ADAMTS18: variants seen among roughly 807,000 people sequenced by gnomAD.
The protein encoded by ADAMTS18 is A disintegrin and metalloproteinase with thrombospondin motifs 18.
ADAMTS18 carries 157 observed loss-of-function variants against 165.9 expected under a neutral mutation model. The observed-to-expected ratio is 0.95, with a 90% CI of 0.83 to 1.08. ADAMTS18 has a LOEUF of 1.08. Ranked by LOEUF, ADAMTS18 falls within the 50% of genes least tolerant of loss-of-function variation. The pLI, the probability that ADAMTS18 is intolerant of heterozygous loss-of-function variation, is 0.00. For missense variants in ADAMTS18, 2,040 were observed against 1,534.0 expected (o/e 1.33, Z -5.51); for synonymous variants, 782 against 578.2 (o/e 1.35, Z -5.06).
intron 22 of ADAMTS18, 25 bp from the exon 23 acceptor site, chr16:77,284,096 A>T: frequency 2.0e-6 from 3 of 1,482,282 alleles, no homozygotes; most frequent in Non-Finnish European, 1.9e-6. Context: ...TATATTTAGC[A>T]TGTTGGCTAG....
intron 3 of ADAMTS18, among the ~76,000 whole-genome samples, chr16:77,405,656 A>G (rs929237017): frequency 1.3e-5 from 2 of 152,150 alleles, no homozygotes; most frequent in Non-Finnish European, 2.9e-5. Context: ...TATACAACAG[A>G]AAGTTATTTT....
rs564970336 is a variant in ADAMTS18 at position 77,332,794 on chromosome 16, T to C, written c.1859+2962A>G. Among the ~76,000 whole-genome samples the C allele has an allele frequency of 4.7e-4, 71 of 152,308 alleles. No homozygotes were observed. The South Asian group carries it at 0.011, about 24-fold the overall frequency. ...GTGCCCACAGGTGACCACAGGCCAA[T>C]TGCAATCCACAGCTGATTTGACTAG... is the stretch of plus-strand genomic sequence containing the variant. On this transcript the variant is annotated intron_variant, in intron 12 of 22. Transcript: ENST00000282849.
Position 77,434,444 on chromosome 16 carries a change from C to A in ADAMTS18, c.152G>T (p.Ser51Ile), listed in dbSNP as rs1380372391. ...ATCATTTAATCCGCTGGCGCCGCTG[C>A]TGCTGTCACTGGCTAAGGCCGCGGC... ...SVAAALASDS[S>I]SGASGLNDDY... is the part of the protein sequence containing the mutation. Residue 51 changes from serine to isoleucine, a missense_variant, in exon 2 of 23, where the codon AGC becomes ATC. By Grantham distance (142) the Ser-to-Ile change is moderately radical. Transcript: ENST00000282849. 2 of 1,573,754 alleles carry A rather than the reference C, an allele frequency of 1.3e-6. No individual in the cohort carries two copies. Among genetic ancestry groups the A allele is most frequent in the South Asian group, 2.3e-5 (2 of 86,922 alleles).
intron 3 of ADAMTS18, among the ~76,000 whole-genome samples, chr16:77,384,756 G>GTATAC (rs1348767557): frequency 1.1e-4 from 17 of 152,138 alleles, no homozygotes; most frequent in African/African-American, 4.1e-4. Context: ...GAAGAGAAAC[G>GTATAC]TATATAGTAA....
chr16:77,401,828 G>T (rs1188118865), intron 3 of ADAMTS18, among the ~76,000 whole-genome samples: 1 of 152,124 alleles, frequency 6.6e-6, no homozygotes, highest in African/African-American at 2.4e-5. Context: ...CTTTTCTTGA[G>T]CAAGGATATC....
intron 7 of ADAMTS18, among the ~76,000 whole-genome samples, chr16:77,361,115 T>C (rs2056706858): frequency 6.6e-6 from 1 of 152,062 alleles, no homozygotes; most frequent in Admixed American, 6.6e-5. Context: ...CATAAAGTTT[T>C]ATTAAAACAC....
Position 77,390,025 on chromosome 16 carries a change from T to C in ADAMTS18, c.496-22302A>G, listed in dbSNP as rs566650768. 2.6e-5 allele frequency among the ~76,000 whole-genome samples: 4 copies of C among 152,300 alleles called. 1 individual carries two copies. The highest frequency in any genetic ancestry group is 9.6e-5 in the African/African-American group (4 of 41,558). ...GGAATAAAATCTACAAAATCTACTA[T>C]GCTCATTAATGCTAAGGACTTTGAG... On this transcript the variant is annotated intron_variant, in intron 3 of 22. Transcript: ENST00000282849.
chr16:77,414,491 C>CCAA (rs2057504557), intron 3 of ADAMTS18, among the ~76,000 whole-genome samples: 1 of 152,056 alleles, frequency 6.6e-6, no homozygotes, highest in Non-Finnish European at 1.5e-5. Context: ...AAATATAATA[C>CCAA]CAACATAAAT....
intron 22 of ADAMTS18, among the ~76,000 whole-genome samples, chr16:77,286,100 C>T (rs974743026): frequency 9.2e-5 from 14 of 152,122 alleles, no homozygotes; most frequent in African/African-American, 2.9e-4. Context: ...CACTCTTCAC[C>T]TTGTTTCTTG....
At position 77,353,093 on chromosome 16, in the gene ADAMTS18, C is replaced by T. The variant is rs558968676; in HGVS notation, c.1614+640G>A. Among the ~76,000 whole-genome samples the T allele has an allele frequency of 1.7e-4, 25 of 147,134 alleles. 1 individual carries two copies. Among genetic ancestry groups the T allele is most frequent in the East Asian group, 9.7e-4 (5 of 5,166 alleles). The stretch of plus-strand genomic sequence containing the variant: ...AGACTCTGTCTCAAAACAACAACAA[C>T]GACAACAACAACAACAAATTTACTT... On this transcript the variant is annotated intron_variant, in intron 10 of 22. Transcript: ENST00000282849.
At chr16:77,372,591 A>G (rs2056891918) in intron 3 of ADAMTS18, among the ~76,000 whole-genome samples, 1 of 152,192 alleles carries the variant, frequency 6.6e-6, no homozygotes, top group South Asian at 2.1e-4. Context: ...ATTGCCATAA[A>G]CAAGAATGGT....
chr16:77,386,950 G>T lies in ADAMTS18; in HGVS notation c.496-19227C>A, dbSNP rs185056371. 1.5e-3 allele frequency among the ~76,000 whole-genome samples: 229 copies of T among 152,270 alleles called. 4 individuals are homozygous for T. The highest frequency in any genetic ancestry group is 9.8e-3 in the Admixed American group (149 of 15,282). ...ACAAACTACAGAAGTCTGCAAATGG[G>T]TAAACACTTCTGTTGGGTGAACTAT... On this transcript the variant is annotated intron_variant, in intron 3 of 22. Coordinates refer to ENST00000282849, the MANE Select transcript of ADAMTS18 (RefSeq NM_199355.4).
chr16:77,288,619 T>C (rs1335545757), intron 22 of ADAMTS18, among the ~76,000 whole-genome samples: 1 of 152,158 alleles, frequency 6.6e-6, no homozygotes, highest in Non-Finnish European at 1.5e-5. Context: ...CTGATGACTA[T>C]TACTTTTGAT....
At chr16:77,419,631 C>G (rs2057575353) in intron 3 of ADAMTS18, among the ~76,000 whole-genome samples, 1 of 152,124 alleles carries the variant, frequency 6.6e-6, no homozygotes, top group Non-Finnish European at 1.5e-5. Context: ...GTTACATCTG[C>G]AAAAACTCCT....
At chr16:77,424,944 G>A (rs975822910) in intron 3 of ADAMTS18, among the ~76,000 whole-genome samples, 2 of 152,182 alleles carry the variant, frequency 1.3e-5, no homozygotes, top group African/African-American at 2.4e-5. Context: ...CATGGACGAA[G>A]GTCATTCAAC....
intron 1 of ADAMTS18, 37 bp from the exon 2 acceptor site, chr16:77,434,542 C>T (rs892688820): frequency 1.8e-5 from 27 of 1,536,398 alleles, no homozygotes; most frequent in East Asian, 2.5e-5. Context: ...GTGAGGGGCG[C>T]GGCGGGGCTG....
chr16:77,402,090 G>C (rs2880680), intron 3 of ADAMTS18, among the ~76,000 whole-genome samples: 2 of 151,952 alleles, frequency 1.3e-5, no homozygotes, highest in Non-Finnish European at 1.5e-5. Flanking sequence ...CCTATAATAA[G>C]TTCCCTAGCT....
intron 10 of ADAMTS18, among the ~76,000 whole-genome samples, chr16:77,350,611 C>T (rs557838532): frequency 1.3e-5 from 2 of 152,234 alleles, no homozygotes; most frequent in Non-Finnish European, 1.5e-5. Flanking sequence ...CTTTGTGACT[C>T]CCAAATCCAG....
chr16:77,434,378 T>A, intron 2 of ADAMTS18, 40 bp downstream of exon 2: 1 of 1,544,360 alleles, frequency 6.5e-7, no homozygotes. Context: ...GTCAAAGTGC[T>A]GCGAAAGGCC....
Sources: allele counts gnomAD v4.1 joint callset (sites outside exome capture counted in the v4.1 genomes callset), GRCh38; gene constraint gnomAD v4.1.1; transcripts MANE v1.5; gene names NCBI Gene and HGNC (gene_info 2026-07-23, HGNC 2026-07-21).